Variants in MYH11 observed in about 807,000 individuals in gnomAD.
The protein encoded by MYH11 is myosin-11.
A neutral mutation model predicts 246.6 loss-of-function variants in MYH11; 80 were observed. That is an observed-to-expected ratio of 0.32 (90% CI 0.27 to 0.39). MYH11 has a LOEUF of 0.39. Among genes scored for constraint, MYH11 ranks in the 10% least tolerant of loss-of-function variants. The pLI, the probability that MYH11 is intolerant of heterozygous loss-of-function variation, is 1.00. For missense variants in MYH11, 2,158 were observed against 2,546.8 expected (o/e 0.85, Z 3.29); for synonymous variants, 1,071 against 1,015.5 (o/e 1.05, Z -1.04).
At chr16:15,757,745 G>C in intron 13 of MYH11, 82 bp downstream of exon 13, 3 of 1,555,032 alleles carry the variant, frequency 1.9e-6, no homozygotes, top group East Asian at 2.3e-5. Flanking sequence ...CATGGGGAGA[G>C]TGTGGGGTCC....
chr16:15,842,582 C>T (rs112871124), intron 1 of MYH11, among the ~76,000 whole-genome samples: 2,938 of 150,818 alleles, frequency 0.019, 82 homozygotes, highest in African/African-American at 0.057. Flanking sequence ...GCCAACGTGG[C>T]GAAACCTGAT....
At chr16:15,726,009 T>C in intron 28 of MYH11, 1 of 277,628 alleles carries the variant, frequency 3.6e-6, no homozygotes, top group Non-Finnish European at 6.7e-6. Flanking sequence ...GCTGTATGTC[T>C]CTCTCCTAAT....
chr16:15,763,741 T>TGGGGCCCCC, intron 10 of MYH11, 55 bp downstream of exon 10: 14 of 646,796 alleles, frequency 2.2e-5, no homozygotes, highest in East Asian at 1.3e-4. Context: ...AAATGTCACC[T>TGGGGCCCCC]CCCCCACCCC....
At chr16:15,708,711 G>GT (rs1874245265) in intron 40 of MYH11, 11 of 1,347,294 alleles carry the variant, frequency 8.2e-6, no homozygotes, top group African/African-American at 1.4e-5. Flanking sequence ...ATGTGCAAGG[G>GT]TTTAAAAATT....
chr16:15,705,984 C>CAAAAAAA lies in MYH11; in HGVS notation c.5787-1868_5787-1862dup, dbSNP rs57451847. Among the ~76,000 whole-genome samples the CAAAAAAA allele has an allele frequency of 3.9e-3, 220 of 56,760 alleles. 38 individuals are homozygous for CAAAAAAA. The highest frequency in any genetic ancestry group is 0.013 in the African/African-American group (113 of 8,906). 37.2% of individuals were successfully genotyped at this position (56,760 alleles called of 152,430 possible). A position where few individuals can be genotyped will look rare whatever the true frequency, so the allele number is the denominator to read the frequency against. On this transcript the variant is annotated intron_variant, in intron 40 of 40. Coordinates refer to ENST00000300036, the MANE Select transcript of MYH11 (RefSeq NM_002474.3). ...TAGGCGACAGGGTGAGACTCCGTCTCAAAAAAAAAAAAAAAAAAAAATCAA... is the reference window on the plus strand; with the variant it reads ...TAGGCGACAGGGTGAGACTCCGTCTCAAAAAAAAAAAAAAAAAAAAAAAAAAAATCAA...
intron 20 of MYH11, among the ~76,000 whole-genome samples, chr16:15,743,638 A>G (rs1481023118): frequency 3.9e-5 from 6 of 152,174 alleles, no homozygotes; most frequent in African/African-American, 1.4e-4. Context: ...TGCTTCATGC[A>G]CTTATCACAG....
intron 40 of MYH11, among the ~76,000 whole-genome samples, chr16:15,705,760 T>C (rs916554194): frequency 4.6e-5 from 7 of 151,840 alleles, no homozygotes; most frequent in African/African-American, 1.7e-4. Flanking sequence ...GGCGGGCGGA[T>C]CATGAGGTCA....
chr16:15,710,822 C>T (rs577574331), intron 40 of MYH11, among the ~76,000 whole-genome samples: 1 of 152,226 alleles, frequency 6.6e-6, no homozygotes, highest in African/African-American at 2.4e-5. Flanking sequence ...GGATTACAGG[C>T]ATCTGCCACC....
chr16:15,753,479 G>T lies in MYH11; in HGVS notation c.1779C>A (p.Thr593=). ...KVDYNASAWL[T]KNMDPLNDNV... ...TGTCATTCAGCGGGTCCATATTCTT[G>T]GTCAGCCAGGCACTCGCATTATAGT... Residue 593 remains threonine, a synonymous_variant, in exon 15 of 41, where the codon ACC becomes ACA. Coordinates refer to ENST00000300036, the MANE Select transcript of MYH11 (RefSeq NM_002474.3). 1.2e-6 allele frequency: 2 copies of T among 1,614,116 alleles called. No homozygotes were observed. Among genetic ancestry groups the T allele is most frequent in the South Asian group, 1.1e-5 (1 of 91,078 alleles).
intron 10 of MYH11, among the ~76,000 whole-genome samples, chr16:15,762,732 A>G (rs1315489273): frequency 6.6e-6 from 1 of 152,218 alleles, no homozygotes; most frequent in Non-Finnish European, 1.5e-5. Flanking sequence ...TTGAGTAATA[A>G]TAAAACTCTG....
At chr16:15,722,892 C>T (rs879893844) in intron 31 of MYH11, among the ~76,000 whole-genome samples, 9 of 152,012 alleles carry the variant, frequency 5.9e-5, no homozygotes, top group South Asian at 2.1e-4. Flanking sequence ...TACAGGCGTG[C>T]GCCACCACGC....
In MYH11 at chr16:15,718,464, G is replaced by A. The variant is rs772995835; in HGVS notation, c.5172-26C>T. The A allele has an allele frequency of 2.6e-6, 4 of 1,542,364 alleles. No homozygotes were observed. The South Asian group carries it at 4.7e-5, about 18-fold the overall frequency. The stretch of plus-strand genomic sequence containing the variant: ...CTGGGGGAAGGGCGGCCATGGTGGG[G>A]GCCTCTACCCTCCCCCGCCTTAAAA... On this transcript the variant is annotated intron_variant, in intron 36 of 40. Transcript: ENST00000300036.
At chr16:15,735,723 G>T in intron 25 of MYH11, 145 bp from the exon 26 acceptor site, 1 of 783,776 alleles carries the variant, frequency 1.3e-6, no homozygotes, top group Non-Finnish European at 2.2e-6. Flanking sequence ...TCTGCTTCTT[G>T]ACATGCCAGA....
intron 1 of MYH11, among the ~76,000 whole-genome samples, chr16:15,843,983 T>C (rs1286826781): frequency 6.6e-6 from 1 of 152,130 alleles, no homozygotes; most frequent in Non-Finnish European, 1.5e-5. Flanking sequence ...CACCTAAATC[T>C]ACTAATTAAC....
At chr16:15,819,901 A>C (rs1334369766) in intron 3 of MYH11, among the ~76,000 whole-genome samples, 1 of 151,974 alleles carries the variant, frequency 6.6e-6, no homozygotes, top group Non-Finnish European at 1.5e-5. Flanking sequence ...CTCCACCGAA[A>C]CCTCCTTCTC....
chr16:15,797,706 G>A (rs1270764637), intron 4 of MYH11, among the ~76,000 whole-genome samples: 1 of 151,802 alleles, frequency 6.6e-6, no homozygotes, highest in African/African-American at 2.4e-5. Context: ...TGGCACTTTT[G>A]TAGTCATTTG....
At chr16:15,779,039 C>T in intron 6 of MYH11, 196 bp from the exon 7 acceptor site, 1 of 674,520 alleles carries the variant, frequency 1.5e-6, no homozygotes, top group Non-Finnish European at 2.7e-6. Flanking sequence ...CCAGGCCTGA[C>T]AGCAACAGAA....
At chr16:15,846,910 T>C (rs62031676) in intron 1 of MYH11, among the ~76,000 whole-genome samples, 1 of 152,142 alleles carries the variant, frequency 6.6e-6, no homozygotes, top group Admixed American at 6.5e-5. Flanking sequence ...GCCATGATCA[T>C]GCCACTGCAC....
At chr16:15,743,474 G>C (rs192078464) in intron 20 of MYH11, among the ~76,000 whole-genome samples, 14 of 152,234 alleles carry the variant, frequency 9.2e-5, no homozygotes, top group Non-Finnish European at 2.1e-4. Flanking sequence ...TGGCTAAGAC[G>C]ATTTTCTTAG....
Sources: gnomAD v4.1 joint callset for allele counts (sites outside exome capture counted in the v4.1 genomes callset) on GRCh38, gnomAD v4.1.1 for gene constraint, MANE v1.5 for transcripts, NCBI Gene and HGNC (gene_info 2026-07-23, HGNC 2026-07-21) for gene names.